Variants in STRN observed in about 807,000 individuals in gnomAD.
STRN encodes protein phosphatase 2 regulatory subunit B'''alpha.
Under a neutral mutation model 96.3 loss-of-function variants are expected in STRN, and 53 were observed. That is an observed-to-expected ratio of 0.55 (90% CI 0.44 to 0.69). The LOEUF is 0.69. STRN is among the 30% of genes least tolerant of loss of function. The pLI is 0.00. For missense variants in STRN, 987 were observed against 963.9 expected (o/e 1.02, Z -0.32); for synonymous variants, 428 against 355.9 (o/e 1.20, Z -2.28).
At chr2:36,896,240 T>C (rs2003585) in intron 6 of STRN, among the ~76,000 whole-genome samples, 62,859 of 152,064 alleles carry the variant, frequency 0.41, 14,894 homozygotes, top group Non-Finnish European at 0.53. Context: ...AAAGCAACTC[T>C]TGGGGGGAAA....
At position 36,845,001 on chromosome 2, in the gene STRN, T is replaced by C. The variant is rs1442535436; in HGVS notation, c.*4455A>G. 1.3e-5 allele frequency: 2 copies of C among 152,142 alleles called. No individual in the cohort carries two copies. The highest frequency in any genetic ancestry group is 6.6e-5 in the Admixed American group (1 of 15,252). 9.4% of individuals were successfully genotyped at this position (152,142 alleles called of 1,614,324 possible). ...AACACTTAAAAGTACTGCAATTATA[T>C]AAATTACTAAACAAGTTAACAGTAA... On this transcript the variant is annotated 3_prime_UTR_variant, in exon 18 of 18. Transcript: ENST00000263918.
Position 36,845,445 on chromosome 2 carries a change from T to G in STRN, c.*4011A>C, listed in dbSNP as rs563533178. On this transcript the variant is annotated 3_prime_UTR_variant, in exon 18 of 18. Coordinates refer to ENST00000263918, the MANE Select transcript of STRN (RefSeq NM_003162.4). ...GGCAGCAATGACAAAGAGGTAGATA[T>G]GAGAGATGCTTTTTAAATATTTTAA... is the stretch of plus-strand genomic sequence containing the variant. The G allele has an allele frequency of 1.5e-4, 23 of 152,136 alleles. No individual in the cohort carries two copies. The highest frequency in any genetic ancestry group is 1.0e-4 in the Non-Finnish European group (7 of 68,010). The allele number at this position is 152,136 out of a possible 1,614,324, so 9.4% of individuals were successfully genotyped here.
intron 1 of STRN, among the ~76,000 whole-genome samples, chr2:36,954,800 G>T (rs1664844427): frequency 6.6e-6 from 1 of 151,906 alleles, no homozygotes. Flanking sequence ...ACAACGCCCA[G>T]CTAATTTTTT....
chr2:36,880,605 G>A (rs1180835866), intron 9 of STRN, among the ~76,000 whole-genome samples: 1 of 152,040 alleles, frequency 6.6e-6, no homozygotes, highest in Non-Finnish European at 1.5e-5. Flanking sequence ...TATATCATCC[G>A]AGAAGTTCAA....
intron 2 of STRN, among the ~76,000 whole-genome samples, chr2:36,922,876 C>A (rs1374860232): frequency 2.6e-5 from 4 of 152,204 alleles, no homozygotes; most frequent in Admixed American, 6.5e-5. Context: ...GGGCCGCACG[C>A]GGTGGCTCAC....
rs183391037 is a variant in STRN at position 36,841,723 on chromosome 2, T to G, written c.*7733A>C. 6.6e-6 allele frequency: 1 copy of G among 152,320 alleles called. No individual in the cohort carries two copies. The highest frequency in any genetic ancestry group is 1.9e-4 in the East Asian group (1 of 5,190). 9.4% of individuals were successfully genotyped at this position (152,320 alleles called of 1,614,324 possible). On this transcript the variant is annotated 3_prime_UTR_variant, in exon 18 of 18. Transcript: ENST00000263918. ...ATACTTGGGCTTATATTTTTACAGC[T>G]TCCTAAAATATAATGAAAACTATTT...
At chr2:36,854,424 A>AT (rs1308702211) in intron 15 of STRN, among the ~76,000 whole-genome samples, 3 of 152,200 alleles carry the variant, frequency 2.0e-5, no homozygotes, top group East Asian at 3.8e-4. Context: ...GAAGAAAACA[A>AT]TGAACAACAG....
chr2:36,854,476 A>C (rs1236515777), intron 15 of STRN, among the ~76,000 whole-genome samples: 2 of 152,182 alleles, frequency 1.3e-5, no homozygotes, highest in Non-Finnish European at 2.9e-5. Flanking sequence ...GGAATAAAGA[A>C]ACTTTTTGAG....
rs576912360 is a variant in STRN at position 36,842,242 on chromosome 2, G to C, written c.*7214C>G. ...TTGGGCATATTTAATTGTGGATGATGGGTTTCCCTACCATTACCCTTAATT... is the reference window on the plus strand; with the variant it reads ...TTGGGCATATTTAATTGTGGATGATCGGTTTCCCTACCATTACCCTTAATT... On this transcript the variant is annotated 3_prime_UTR_variant, in exon 18 of 18. Coordinates refer to ENST00000263918, the MANE Select transcript of STRN (RefSeq NM_003162.4). 1 of 152,060 alleles carries C rather than the reference G, an allele frequency of 6.6e-6. No individual in the cohort carries two copies. Among genetic ancestry groups the C allele is most frequent in the South Asian group, 2.1e-4 (1 of 4,816 alleles). The allele number at this position is 152,060 out of a possible 1,614,324, so 9.4% of individuals were successfully genotyped here.
At chr2:36,878,144 C>T in intron 9 of STRN, 117 bp from the exon 10 acceptor site, 1 of 1,105,650 alleles carries the variant, frequency 9.0e-7, no homozygotes, top group Non-Finnish European at 1.3e-6. Flanking sequence ...TTTTTAAATG[C>T]TTTTAAACAC....
intron 7 of STRN, among the ~76,000 whole-genome samples, chr2:36,887,084 C>CACACACACACAT (rs1281980963): frequency 1.4e-4 from 17 of 118,110 alleles, no homozygotes; most frequent in African/African-American, 4.7e-4. Flanking sequence ...CACACACACA[C>CACACACACACAT]ACGGAAGATT....
chr2:36,865,342 T>G (rs576935419), intron 12 of STRN, among the ~76,000 whole-genome samples: 3 of 152,316 alleles, frequency 2.0e-5, no homozygotes, highest in African/African-American at 7.2e-5. Flanking sequence ...CATTTCTGGT[T>G]GTGTTTATTT....
chr2:36,884,214 T>C, intron 8 of STRN, 139 bp from the exon 9 acceptor site: 1 of 829,894 alleles, frequency 1.2e-6, no homozygotes, highest in Non-Finnish European at 1.6e-6. Context: ...TTAATAAGAA[T>C]TATTTTCAAG....
intron 1 of STRN, among the ~76,000 whole-genome samples, chr2:36,963,431 T>C (rs10202311): frequency 0.078 from 11,848 of 152,240 alleles, 699 homozygotes; most frequent in African/African-American, 0.16. Flanking sequence ...TTACTTCCTA[T>C]TGTGTTTCTA....
chr2:36,937,025 G>A (rs1027021305), intron 1 of STRN, among the ~76,000 whole-genome samples: 5 of 152,070 alleles, frequency 3.3e-5, no homozygotes, highest in South Asian at 4.1e-4. Flanking sequence ...CTCAAGCTGC[G>A]GAAGAGATAA....
chr2:36,888,637 A>ATGTG (rs747639409), intron 7 of STRN, among the ~76,000 whole-genome samples: 45 of 70,240 alleles, frequency 6.4e-4, no homozygotes, highest in Non-Finnish European at 1.2e-3. Flanking sequence ...TTTTTAATTT[A>ATGTG]TATGTGTGTG....
At chr2:36,908,004 T>C (rs564173695) in intron 3 of STRN, among the ~76,000 whole-genome samples, 1 of 151,546 alleles carries the variant, frequency 6.6e-6, no homozygotes, top group Non-Finnish European at 1.5e-5. Context: ...AAATAAAAAA[T>C]AAAAAAAGAA....
In STRN at chr2:36,904,831, T is replaced by C. The variant is rs899619669; in HGVS notation, c.491+709A>G. 7.3e-5 allele frequency among the ~76,000 whole-genome samples: 11 copies of C among 149,950 alleles called. 1 individual carries two copies. On this transcript the variant is annotated intron_variant, in intron 4 of 17. Transcript: ENST00000263918. ...CGACAGAGTGAGACTCCATCTCAAA[T>C]GAATGACTGAATGAATGAATGAATG... is the stretch of plus-strand genomic sequence containing the variant.
In STRN at chr2:36,965,713, A is replaced by C. The variant is rs1327802495; in HGVS notation, c.234+517T>G. On this transcript the variant is annotated intron_variant, in intron 1 of 17. Coordinates refer to ENST00000263918, the MANE Select transcript of STRN (RefSeq NM_003162.4). Reference sequence around the variant, plus strand: ...AAAAAAAGGGATCTGATATATGAATAACACTTTTGCCCAACGTCAACTTCT... The same window carrying C: ...AAAAAAAGGGATCTGATATATGAATCACACTTTTGCCCAACGTCAACTTCT... 2.0e-5 allele frequency among the ~76,000 whole-genome samples: 3 copies of C among 152,200 alleles called. No homozygotes were observed. In the East Asian group the frequency reaches 5.8e-4, roughly 29 times the overall value.
Sources: allele counts gnomAD v4.1 joint callset (sites outside exome capture counted in the v4.1 genomes callset), GRCh38; gene constraint gnomAD v4.1.1; transcripts MANE v1.5; gene names NCBI Gene and HGNC (gene_info 2026-07-23, HGNC 2026-07-21).